The following STK24 variants were observed in gnomAD, a reference collection of about 807,000 sequenced individuals.
STK24 encodes the protein serine/threonine-protein kinase 24.
In STK24, 21 loss-of-function variants were observed where a neutral mutation model predicts 55.6. The observed-to-expected ratio is 0.38, with a 90% CI of 0.27 to 0.54. The LOEUF (loss-of-function observed/expected upper bound fraction) is 0.54. Among genes scored for constraint, STK24 ranks in the 20% least tolerant of loss-of-function variants. STK24 has a pLI of 0.79. For synonymous variants in STK24, 200 were observed against 215.2 expected, an observed-to-expected ratio of 0.93 and a Z score of 0.62; for missense variants, 383 against 538.4, an observed-to-expected ratio of 0.71 and a Z score of 2.86.
At chr13:98,526,971 C>T (rs147039586) in intron 1 of STK24, among the ~76,000 whole-genome samples, 24 of 152,312 alleles carry the variant, frequency 1.6e-4, no homozygotes, top group African/African-American at 5.8e-4. Context: ...GATAACACGC[C>T]CATATGGTCA....
chr13:98,536,868 C>T (rs938539244), intron 1 of STK24, among the ~76,000 whole-genome samples: 3 of 106,296 alleles, frequency 2.8e-5, no homozygotes, highest in Non-Finnish European at 4.3e-5. Context: ...CACACTCCTC[C>T]GCCTGTCCTC....
At chr13:98,570,495 T>C (rs945849205) in intron 1 of STK24, among the ~76,000 whole-genome samples, 1 of 152,192 alleles carries the variant, frequency 6.6e-6, no homozygotes, top group Non-Finnish European at 1.5e-5. Flanking sequence ...TTGGTAAGCA[T>C]TAATTTAAAA....
intron 1 of STK24, among the ~76,000 whole-genome samples, chr13:98,535,357 CAAACAAAAA>C (rs1431870893): frequency 0.046 from 1,721 of 37,034 alleles, 51 homozygotes; most frequent in African/African-American, 0.11. Context: ...AACAAACAAA[CAAACAAAAA>C]AAAAATATAT....
In STK24 at chr13:98,464,495, C is replaced by CTT. The variant is rs551373383; in HGVS notation, c.784-661_784-660dup. Among the ~76,000 whole-genome samples, 640 of 106,788 alleles carry CTT rather than the reference C, an allele frequency of 6.0e-3. 8 individuals are homozygous for CTT. The highest frequency in any genetic ancestry group is 0.02 in the African/African-American group (599 of 30,476). The allele number at this position is 106,788 out of a possible 152,430, so 70.1% of individuals were successfully genotyped here. ...AAAATATATGTTCTGTGTTGTTTAA[C>CTT]TTTTTTTTTTTTTTTTTTTTGAGAC... is the stretch of plus-strand genomic sequence containing the variant. On this transcript the variant is annotated intron_variant, in intron 6 of 10. Transcript: ENST00000539966.
At chr13:98,576,717 C>T in intron 1 of STK24, 28 bp downstream of exon 1, 2 of 1,458,414 alleles carry the variant, frequency 1.4e-6, no homozygotes, top group Non-Finnish European at 1.8e-6. Context: ...GGTCGCGCAT[C>T]CCGGCCCCGC....
At chr13:98,471,132 CCTGAG>C (rs1894126617) in intron 5 of STK24, among the ~76,000 whole-genome samples, 1 of 152,240 alleles carries the variant, frequency 6.6e-6, no homozygotes, top group South Asian at 2.1e-4. Context: ...GTGGACAATT[CCTGAG>C]CCGTAGGCAG....
chr13:98,547,410 C>T lies in STK24; in HGVS notation c.43-27937G>A, dbSNP rs118010326. 3.4e-3 allele frequency among the ~76,000 whole-genome samples: 517 copies of T among 152,110 alleles called. 2 individuals are homozygous for T. Among genetic ancestry groups the T allele is most frequent in the Non-Finnish European group, 6.1e-3 (413 of 67,992 alleles). On this transcript the variant is annotated intron_variant, in intron 1 of 10. Transcript: ENST00000539966. ...AAAAATTTAAACAATGAGCCGGGCA[C>T]GGTGGCACACGCCTATAGTCCCAGC...
chr13:98,503,024 G>GTTTTTTTTTTTTTTTTTTTTTT lies in STK24; in HGVS notation c.273+16218_273+16219insAAAAAAAAAAAAAAAAAAAAAA, dbSNP rs398038978. Among the ~76,000 whole-genome samples, 10 of 107,084 alleles carry GTTTTTTTTTTTTTTTTTTTTTT rather than the reference G, an allele frequency of 9.3e-5. 2 individuals are homozygous for GTTTTTTTTTTTTTTTTTTTTTT. Among genetic ancestry groups the GTTTTTTTTTTTTTTTTTTTTTT allele is most frequent in the African/African-American group, 2.4e-4 (6 of 25,010 alleles). 70.3% of individuals were successfully genotyped at this position (107,084 alleles called of 152,430 possible). On this transcript the variant is annotated intron_variant, in intron 2 of 10. Transcript: ENST00000539966. ...AATATATTAGAAATACTTTCCATGTGTTTTTTTTTTTTTTTTTCAGTATGG... is the reference window on the plus strand; with the variant it reads ...AATATATTAGAAATACTTTCCATGTGTTTTTTTTTTTTTTTTTTTTTTTTTTTTTTTTTTTTTTTCAGTATGG...
rs561807640 is a variant in STK24 at position 98,477,404 on chromosome 13, G to A, written c.331-2046C>T. Among the ~76,000 whole-genome samples, 4 of 152,290 alleles carry A rather than the reference G, an allele frequency of 2.6e-5. No individual in the cohort carries two copies. In the South Asian group the frequency reaches 8.3e-4, roughly 32 times the overall value. ...GTCATGTTAGAGGCCAGGCGCGGTG[G>A]CTCATGCCTGTAATCCCAGCACTTT... On this transcript the variant is annotated intron_variant, in intron 3 of 10. Coordinates refer to ENST00000539966, the MANE Select transcript of STK24 (RefSeq NM_001032296.4).
chr13:98,464,532 T>A (rs1317639946), intron 6 of STK24, among the ~76,000 whole-genome samples: 1 of 149,100 alleles, frequency 6.7e-6, no homozygotes, highest in Non-Finnish European at 1.5e-5. Context: ...GTTTTGCTCT[T>A]GTTGCCCAGG....
intron 2 of STK24, among the ~76,000 whole-genome samples, chr13:98,502,064 G>A (rs987563109): frequency 2.6e-5 from 4 of 152,108 alleles, no homozygotes; most frequent in African/African-American, 4.8e-5. Context: ...CTATTGCCCC[G>A]TCTTACTCTG....
At chr13:98,456,960 T>C in intron 10 of STK24, 1 of 657,044 alleles carries the variant, frequency 1.5e-6, no homozygotes, top group South Asian at 2.1e-5. Flanking sequence ...CCTGTGGGCT[T>C]TCCAGTAGTT....
chr13:98,522,911 T>G (rs1156633437), intron 1 of STK24, among the ~76,000 whole-genome samples: 2 of 152,188 alleles, frequency 1.3e-5, no homozygotes, highest in African/African-American at 4.8e-5. Context: ...CCCTTCCTGC[T>G]GACAAGGGCG....
chr13:98,543,458 G>A (rs1042852098), intron 1 of STK24, among the ~76,000 whole-genome samples: 15 of 152,260 alleles, frequency 9.9e-5, no homozygotes, highest in African/African-American at 3.6e-4. Flanking sequence ...CCTCAGTCCT[G>A]CTCTCAGAAC....
rs1317646830 is a variant in STK24, at chr13:98,467,779, C to A, written c.598-1218G>T. ...AATGAATTCCTTGAATGTGTCATGT[C>A]AATGAGAAGAGCCAGGCCATCCTAA... On this transcript the variant is annotated intron_variant, in intron 5 of 10. Coordinates refer to ENST00000539966, the MANE Select transcript of STK24 (RefSeq NM_001032296.4). Among the ~76,000 whole-genome samples, 12 of 152,092 alleles carry A rather than the reference C, an allele frequency of 7.9e-5. No individual in the cohort carries two copies. The East Asian group carries it at 2.3e-3, about 29-fold the overall frequency.
At chr13:98,561,977 C>CA (rs10564690) in intron 1 of STK24, among the ~76,000 whole-genome samples, 3,031 of 53,080 alleles carry the variant, frequency 0.057, 222 homozygotes, top group East Asian at 0.14. Flanking sequence ...GACTCCGTCT[C>CA]AAAAAAAAAA....
chr13:98,529,645 A>G (rs1341691000), intron 1 of STK24, among the ~76,000 whole-genome samples: 5 of 152,172 alleles, frequency 3.3e-5, no homozygotes, highest in Admixed American at 6.5e-5. Context: ...TGACTGGTGG[A>G]GAATAGATCC....
intron 2 of STK24, among the ~76,000 whole-genome samples, chr13:98,500,694 C>T (rs1253198943): frequency 1.3e-5 from 2 of 150,568 alleles, no homozygotes; most frequent in African/African-American, 2.5e-5. Context: ...TCCTCCCACA[C>T]CTCGCCCCTT....
intron 2 of STK24, 44 bp from the exon 3 acceptor site, chr13:98,482,365 C>A: frequency 3.1e-6 from 4 of 1,273,284 alleles, no homozygotes; most frequent in Admixed American, 2.3e-5. Context: ...AAAATGAATC[C>A]AGGAAAATTT....
Sources: allele counts gnomAD v4.1 joint callset (sites outside exome capture counted in the v4.1 genomes callset), GRCh38; gene constraint gnomAD v4.1.1; transcripts MANE v1.5; gene names NCBI Gene and HGNC (gene_info 2026-07-23, HGNC 2026-07-21).